Variants in RGS6 observed in about 807,000 individuals in gnomAD.
RGS6 encodes the protein regulator of G-protein signaling 6.
A neutral mutation model predicts 78.5 loss-of-function variants in RGS6; 30 were observed. That is an observed-to-expected ratio of 0.38 (90% CI 0.29 to 0.52). RGS6 has a LOEUF of 0.52. Among genes scored for constraint, RGS6 ranks in the 20% least tolerant of loss-of-function variants. RGS6 has a pLI of 0.85. For synonymous variants in RGS6, 206 were observed against 206.0 expected, an observed-to-expected ratio of 1.00 and a Z score of 0.00; for missense variants, 495 against 609.7, an observed-to-expected ratio of 0.81 and a Z score of 1.98.
chr14:72,352,511 G>T (rs1566602268), intron 3 of RGS6, among the ~76,000 whole-genome samples: 1 of 152,146 alleles, frequency 6.6e-6, no homozygotes, highest in African/African-American at 2.4e-5. Flanking sequence ...AAATATTAAA[G>T]AAATTAAACA....
At chr14:72,194,443 T>C (rs1056989248) in intron 2 of RGS6, among the ~76,000 whole-genome samples, 1 of 104,312 alleles carries the variant, frequency 9.6e-6, no homozygotes, top group African/African-American at 4.2e-5. Context: ...CAATCATAGC[T>C]CACTGCAGTC....
At position 72,564,723 on chromosome 14, in the gene RGS6, A is replaced by C. The variant is rs1357653292; in HGVS notation, c.*2256A>C. 2.6e-5 allele frequency: 4 copies of C among 152,196 alleles called. No homozygotes were observed. Among genetic ancestry groups the C allele is most frequent in the Non-Finnish European group, 5.9e-5 (4 of 68,110 alleles). The allele number at this position is 152,196 out of a possible 1,614,324, so 9.4% of individuals were successfully genotyped here. A position where few individuals can be genotyped will look rare whatever the true frequency, so the allele number is the denominator to read the frequency against. On this transcript the variant is annotated 3_prime_UTR_variant, in exon 18 of 18. Transcript: ENST00000553525. ...CCCTCTGTGCCCCCTTCTCCTTCTG[A>C]CTGGTCTCACCCTGGAGATCCCCAG...
At chr14:72,234,399 C>G (rs1324689250) in intron 2 of RGS6, among the ~76,000 whole-genome samples, 1 of 151,878 alleles carries the variant, frequency 6.6e-6, no homozygotes, top group African/African-American at 2.4e-5. Flanking sequence ...ATGATGCCAG[C>G]TGCTTATTTT....
chr14:72,471,157 T>G (rs2096068249), intron 8 of RGS6, among the ~76,000 whole-genome samples: 1 of 152,170 alleles, frequency 6.6e-6, no homozygotes, highest in Non-Finnish European at 1.5e-5. Flanking sequence ...AGTTAAGTCA[T>G]TTTTCCTCCA....
intron 2 of RGS6, among the ~76,000 whole-genome samples, chr14:72,057,603 C>G (rs1382006861): frequency 5.3e-5 from 8 of 152,166 alleles, no homozygotes; most frequent in Admixed American, 2.0e-4. Context: ...GGAAGTTTTG[C>G]TTTCCTATCA....
chr14:72,229,525 G>T (rs2049003799), intron 2 of RGS6, among the ~76,000 whole-genome samples: 1 of 152,124 alleles, frequency 6.6e-6, no homozygotes. Context: ...TTACCATGTT[G>T]TTAAATATAT....
intron 12 of RGS6, among the ~76,000 whole-genome samples, chr14:72,482,748 T>G (rs1047360075): frequency 2.0e-5 from 3 of 152,222 alleles, no homozygotes; most frequent in Non-Finnish European, 4.4e-5. Context: ...GCAAAACTCT[T>G]GCAGATTAGA....
At chr14:72,159,416 C>T (rs1482629877) in intron 2 of RGS6, among the ~76,000 whole-genome samples, 1 of 152,184 alleles carries the variant, frequency 6.6e-6, no homozygotes, top group South Asian at 2.1e-4. Flanking sequence ...AAGAGGCAAA[C>T]GCTGGATGAG....
chr14:72,561,337 A>C (rs17117590), intron 17 of RGS6, among the ~76,000 whole-genome samples: 1 of 152,154 alleles, frequency 6.6e-6, no homozygotes, highest in Non-Finnish European at 1.5e-5. Flanking sequence ...TGCCCTTCAC[A>C]GATGGCGGTG....
At chr14:72,134,624 CTTA>C (rs1369401073) in intron 2 of RGS6, among the ~76,000 whole-genome samples, 2 of 152,120 alleles carry the variant, frequency 1.3e-5, no homozygotes, top group Non-Finnish European at 1.5e-5. Flanking sequence ...TAAGAGGAGA[CTTA>C]TTATGGGAAT....
chr14:71,897,773 C>A, the RGS6 span, among the ~76,000 whole-genome samples: 1 of 152,298 alleles, frequency 6.6e-6, no homozygotes, highest in South Asian at 2.1e-4. Context: ...CCTGCCTCAG[C>A]CTCCCAAAGT....
chr14:72,454,006 G>A (rs145499851), intron 3 of RGS6, among the ~76,000 whole-genome samples: 46 of 152,370 alleles, frequency 3.0e-4, no homozygotes, highest in Middle Eastern at 3.4e-3. Flanking sequence ...GGCTGGAAAT[G>A]TAATCTAGCT....
chr14:72,006,949 C>G, intron 2 of RGS6, among the ~76,000 whole-genome samples: 1 of 152,092 alleles, frequency 6.6e-6, no homozygotes, highest in East Asian at 1.9e-4. Context: ...TTTGAGGAGG[C>G]TGCCATTGAA....
chr14:72,459,802 C>A (rs1597826350), intron 6 of RGS6, 119 bp downstream of exon 6: 2 of 960,152 alleles, frequency 2.1e-6, no homozygotes, highest in East Asian at 2.4e-5. Flanking sequence ...GTCCTTTCTG[C>A]TTAGTCCTTT....
chr14:72,001,171 C>T (rs748157888), intron 2 of RGS6, among the ~76,000 whole-genome samples: 69 of 152,256 alleles, frequency 4.5e-4, no homozygotes, highest in Admixed American at 9.2e-4. Flanking sequence ...TGCTCGCAGT[C>T]GCGGTGGCCC....
chr14:72,007,286 C>CT (rs1322198168), intron 2 of RGS6, among the ~76,000 whole-genome samples: 3 of 151,988 alleles, frequency 2.0e-5, no homozygotes, highest in African/African-American at 7.3e-5. Context: ...GTACGTGATG[C>CT]TAAAATTAAG....
At chr14:71,889,930 C>G in the RGS6 span, among the ~76,000 whole-genome samples, 1 of 152,028 alleles carries the variant, frequency 6.6e-6, no homozygotes, top group South Asian at 2.1e-4. Context: ...CCTTCTCCTG[C>G]CATATATTAG....
intron 2 of RGS6, among the ~76,000 whole-genome samples, chr14:72,276,486 T>A (rs1466231719): frequency 6.6e-6 from 1 of 152,164 alleles, no homozygotes; most frequent in African/African-American, 2.4e-5. Context: ...CTAAAAAACC[T>A]CCTTAGGGTG....
chr14:72,095,714 T>A (rs560430688), intron 2 of RGS6, among the ~76,000 whole-genome samples: 4 of 152,370 alleles, frequency 2.6e-5, no homozygotes, highest in African/African-American at 9.6e-5. Context: ...CAGCCTGTTA[T>A]GTACTGTACA....
Sources: gnomAD v4.1 joint callset for allele counts (sites outside exome capture counted in the v4.1 genomes callset) on GRCh38, gnomAD v4.1.1 for gene constraint, MANE v1.5 for transcripts, NCBI Gene and HGNC (gene_info 2026-07-23, HGNC 2026-07-21) for gene names.